NAT10: variants seen among roughly 807,000 people sequenced by gnomAD.
NAT10 encodes the protein RNA cytidine acetyltransferase.
Under a neutral mutation model 132.2 loss-of-function variants are expected in NAT10, and 109 were observed. That is an observed-to-expected ratio of 0.82 (90% CI 0.71 to 0.97). The LOEUF is 0.97. NAT10 is among the 50% of genes least tolerant of loss of function. The pLI is 0.00. For synonymous variants in NAT10, 479 were observed against 478.0 expected (o/e 1.00, Z -0.03); for missense variants, 1,184 against 1,263.4 (o/e 0.94, Z 0.95).
At position 34,132,162 on chromosome 11, in the gene NAT10, A is replaced by G. The variant is rs1852117965; in HGVS notation, c.1558A>G (p.Lys520Glu). The G allele has an allele frequency of 7.4e-6, 12 of 1,614,112 alleles. No individual in the cohort carries two copies. Among genetic ancestry groups the G allele is most frequent in the Non-Finnish European group, 1.0e-5 (12 of 1,179,996 alleles). Reference protein sequence around the residue: ...VNRDTLFCYHKASEVFLQRLM... With the variant: ...VNRDTLFCYHEASEVFLQRLM... ...TAGAGATACCCTCTTTTGCTACCAC[A>G]AGGCCTCTGAAGTTTTCCTCCAACG... The change falls in exon 15 of 29, where the codon AAG (lysine) becomes GAG (glutamate). Residue 520 changes from lysine (K) to glutamate (E), a missense_variant. Lys to Glu is a moderately conservative substitution (Grantham distance 56). Coordinates refer to ENST00000257829, the MANE Select transcript of NAT10 (RefSeq NM_024662.3).
At chr11:34,110,372 A>G (rs1851672196) in intron 3 of NAT10, among the ~76,000 whole-genome samples, 1 of 151,388 alleles carries the variant, frequency 6.6e-6, no homozygotes, top group African/African-American at 2.4e-5. Flanking sequence ...GGTATCACCT[A>G]TTGAAATCCT....
chr11:34,126,824 A>T (rs774764727), intron 11 of NAT10, among the ~76,000 whole-genome samples: 9 of 152,268 alleles, frequency 5.9e-5, no homozygotes, highest in Non-Finnish European at 1.2e-4. Flanking sequence ...AGCCCTGAAG[A>T]AACTGAAGAG....
intron 16 of NAT10, among the ~76,000 whole-genome samples, chr11:34,133,764 G>C (rs957689197): frequency 2.0e-5 from 3 of 152,130 alleles, no homozygotes; most frequent in Non-Finnish European, 4.4e-5. Flanking sequence ...CATACATAGA[G>C]ACTCTCTTCT....
Position 34,112,159 on chromosome 11 carries a change from G to A in NAT10, c.308G>A (p.Arg103His), listed in dbSNP as rs770413727. Reference sequence around the variant, plus strand: ...CTCTTCATAGCAGCCACAAACATTCGCTACTGCTACTACAACGAGACCCAC... The same window carrying A: ...CTCTTCATAGCAGCCACAAACATTCACTACTGCTACTACAACGAGACCCAC... Reference protein sequence around the residue: ...FELFIAATNIRYCYYNETHKI... With the variant: ...FELFIAATNIHYCYYNETHKI... Residue 103 changes from arginine (R) to histidine (H), a missense_variant, in exon 4 of 29, where the codon CGC (arginine) becomes CAC (histidine). Arg to His is a conservative substitution (Grantham distance 29, BLOSUM62 0). Transcript: ENST00000257829. 1.5e-5 allele frequency: 25 copies of A among 1,614,078 alleles called. No homozygotes were observed. The highest frequency in any genetic ancestry group is 1.5e-4 in the African/African-American group (11 of 74,926).
At chr11:34,137,821 T>C (rs1852245062) in intron 21 of NAT10, among the ~76,000 whole-genome samples, 1 of 152,050 alleles carries the variant, frequency 6.6e-6, no homozygotes, top group Admixed American at 6.6e-5. Flanking sequence ...AAGTCGGGTG[T>C]GGTGTCACAC....
intron 19 of NAT10, 101 bp downstream of exon 19, chr11:34,135,392 C>G (rs553710248): frequency 2.3e-6 from 2 of 883,172 alleles, no homozygotes; most frequent in Admixed American, 4.1e-5. Flanking sequence ...GCTTTGGACC[C>G]CTCTCTCATT....
At position 34,141,076 on chromosome 11, in the gene NAT10, T is replaced by C. The variant is rs992830552; in HGVS notation, c.2593-13T>C. On this transcript the variant is annotated splice_polypyrimidine_tract_variant and intron_variant, in intron 24 of 28. Coordinates refer to ENST00000257829, the MANE Select transcript of NAT10 (RefSeq NM_024662.3). ...GTCCTAGAGGCCCACCCAGCAGATTTTCCATCCTTTAGGCTCTTCTCTTGG... is the reference window on the plus strand; with the variant it reads ...GTCCTAGAGGCCCACCCAGCAGATTCTCCATCCTTTAGGCTCTTCTCTTGG... 4 of 1,614,016 alleles carry C rather than the reference T, an allele frequency of 2.5e-6. No homozygotes were observed. Among genetic ancestry groups the C allele is most frequent in the Non-Finnish European group, 3.4e-6 (4 of 1,179,990 alleles).
chr11:34,114,807 A>G (rs376124322), intron 5 of NAT10, among the ~76,000 whole-genome samples: 22 of 152,276 alleles, frequency 1.4e-4, no homozygotes, highest in Admixed American at 3.3e-4. Context: ...GCACTTGACA[A>G]TGACCTAAAG....
At chr11:34,142,837 A>T (rs1399388134) in intron 27 of NAT10, among the ~76,000 whole-genome samples, 1 of 152,170 alleles carries the variant, frequency 6.6e-6, no homozygotes, top group Non-Finnish European at 1.5e-5. Context: ...TGTGAATAAT[A>T]ACTCCAGAAT....
chr11:34,116,992 A>G (rs1227815849), intron 6 of NAT10, among the ~76,000 whole-genome samples: 2 of 152,106 alleles, frequency 1.3e-5, no homozygotes, highest in Non-Finnish European at 2.9e-5. Flanking sequence ...TGGCCTCCCA[A>G]AGTGCTGGGA....
chr11:34,117,508 C>T (rs1851801923), intron 6 of NAT10, among the ~76,000 whole-genome samples: 1 of 152,072 alleles, frequency 6.6e-6, no homozygotes, highest in African/African-American at 2.4e-5. Context: ...GAAATCCGAG[C>T]CTTGATGAAC....
chr11:34,117,616 G>A (rs1851804437), intron 6 of NAT10, among the ~76,000 whole-genome samples: 2 of 152,200 alleles, frequency 1.3e-5, no homozygotes, highest in Admixed American at 1.3e-4. Context: ...TACAACAGAA[G>A]CCTATGAAAT....
At chr11:34,125,715 C>T (rs1339732027) in intron 11 of NAT10, among the ~76,000 whole-genome samples, 3 of 152,112 alleles carry the variant, frequency 2.0e-5, no homozygotes, top group South Asian at 4.1e-4. Context: ...CTAATCCCAG[C>T]GCTTTGGGAG....
intron 3 of NAT10, among the ~76,000 whole-genome samples, chr11:34,110,019 A>G (rs1338915692): frequency 6.6e-6 from 1 of 152,130 alleles, no homozygotes; most frequent in Non-Finnish European, 1.5e-5. Context: ...TTCTACCTAC[A>G]ACTTTGTGTT....
intron 8 of NAT10, among the ~76,000 whole-genome samples, chr11:34,121,356 G>A (rs1488671702): frequency 6.6e-6 from 1 of 152,126 alleles, no homozygotes; most frequent in Non-Finnish European, 1.5e-5. Context: ...GAAATGGTAG[G>A]ATTTTATATA....
At chr11:34,127,442 C>A (rs1318737453) in intron 11 of NAT10, 21 bp from the exon 12 acceptor site, 1 of 1,583,220 alleles carries the variant, frequency 6.3e-7, no homozygotes. Flanking sequence ...TGCTAATAAT[C>A]TAAATTTTCC....
At position 34,108,885 on chromosome 11, in the gene NAT10, G is replaced by C. The variant is rs750385600; in HGVS notation, c.200+52G>C. The C allele has an allele frequency of 3.5e-5, 52 of 1,492,198 alleles. No homozygotes were observed. In the East Asian group the frequency reaches 1.1e-3, roughly 32 times the overall value. 92.4% of individuals were successfully genotyped at this position (1,492,198 alleles called of 1,614,324 possible). ...TCCAACTTACAATTCCTGCTCATTA[G>C]TTAAATGCCAGGAAATGATTCCTTC... On this transcript the variant is annotated intron_variant, in intron 3 of 28. Coordinates refer to ENST00000257829, the MANE Select transcript of NAT10 (RefSeq NM_024662.3).
Position 34,141,787 on chromosome 11 carries a change from G to A in NAT10, c.2781G>A (p.Glu927=). Residue 927 remains glutamate, a synonymous_variant, in exon 26 of 29, where the codon GAG becomes GAA. Transcript: ENST00000257829. The part of the protein sequence containing the change: ...QMVAAKDVVM[E]PTMKTLSDDL... ...TGGCAGCGAAGGATGTGGTCATGGA[G>A]CCCACGATGAAGACCCTCAGTGACG... is the stretch of plus-strand genomic sequence containing the variant. 2 of 1,613,948 alleles carry A rather than the reference G, an allele frequency of 1.2e-6. No homozygotes were observed. The highest frequency in any genetic ancestry group is 1.7e-6 in the Non-Finnish European group (2 of 1,180,034).
In NAT10 at chr11:34,112,071, C is replaced by T. The variant is rs538386063; in HGVS notation, c.220C>T (p.Arg74Ter). The T allele has an allele frequency of 9.3e-6, 15 of 1,614,100 alleles. No homozygotes were observed. Among genetic ancestry groups the T allele is most frequent in the African/African-American group, 4.0e-5 (3 of 75,016 alleles). ...GFSSHRKKRM[R>*]QLQKKIKNGT... ...TTGCAGTCACCGGAAGAAAAGAATG[C>T]GACAGCTGCAGAAGAAAATAAAGAA... The change falls in exon 4 of 29, where the codon CGA becomes TGA. Residue 74 changes from arginine (R) to a stop codon, truncating the protein, a stop_gained. Transcript: ENST00000257829. LOFTEE classifies it high-confidence loss of function.
Sources: allele counts gnomAD v4.1 joint callset (sites outside exome capture counted in the v4.1 genomes callset), GRCh38; gene constraint gnomAD v4.1.1; transcripts MANE v1.5; gene names NCBI Gene and HGNC (gene_info 2026-07-23, HGNC 2026-07-21).